The following ANKRD18A variants were observed in gnomAD, a reference collection of about 807,000 sequenced individuals.
ANKRD18A encodes the protein ankyrin repeat domain-containing protein 18A.
Under a neutral mutation model 110.6 loss-of-function variants are expected in ANKRD18A, and 72 were observed. The ratio of observed to expected loss-of-function variants is 0.65; its 90% confidence interval spans 0.54 to 0.79. The LOEUF (loss-of-function observed/expected upper bound fraction) is 0.79, where lower values mean the gene tolerates loss of function less well. Among genes scored for constraint, ANKRD18A ranks in the 30% least tolerant of loss-of-function variants. The pLI, the probability that ANKRD18A is intolerant of heterozygous loss-of-function variation, is 0.00. For missense variants in ANKRD18A, 934 were observed against 1,163.3 expected, an observed-to-expected ratio of 0.80 and a Z score of 2.87; for synonymous variants, 305 against 410.3, an observed-to-expected ratio of 0.74 and a Z score of 3.10.
At chr9:38,594,130 C>A (rs189329941) in intron 9 of ANKRD18A, among the ~76,000 whole-genome samples, 1 of 152,156 alleles carries the variant, frequency 6.6e-6, no homozygotes, top group African/African-American at 2.4e-5. Context: ...ACAGATTGAT[C>A]CAGCCCGCTA....
chr9:38,595,598 A>G lies in ANKRD18A; in HGVS notation c.1742T>C (p.Leu581Pro). The G allele has an allele frequency of 6.5e-7, 1 of 1,550,202 alleles. No homozygotes were observed. Residue 581 changes from leucine to proline, a missense_variant, in exon 9 of 16, where the codon CTT becomes CCT. Physicochemically the swap from Leu to Pro is moderately conservative, Grantham distance 98. This residue lies in a region of ANKRD18A where 630 missense variants were observed against 797.5 expected (regional missense o/e 0.79). Transcript: ENST00000399703. Reference protein sequence around the residue: ...EIVINIHRDCLENGKEDLLEE... With the variant: ...EIVINIHRDCPENGKEDLLEE... ...TAGAAGATCTTCCTTTCCATTCTCA[A>G]GACAGTCTCTGTGGATATTAATGAC...
chr9:38,595,901 C>G lies in ANKRD18A; in HGVS notation c.1439G>C (p.Arg480Pro). 5 of 1,551,168 alleles carry G rather than the reference C, an allele frequency of 3.2e-6. No homozygotes were observed. The highest frequency in any genetic ancestry group is 4.4e-6 in the Non-Finnish European group (5 of 1,146,662). ...ELLTEQVHKARVKFNTLKGKL... is the reference protein window; with the variant it reads ...ELLTEQVHKAPVKFNTLKGKL... ...ACCTTTTAAGGTATTGAACTTCACCCGAGCTTTATGGACCTGTTCAGTAAG... is the reference window on the plus strand; with the variant it reads ...ACCTTTTAAGGTATTGAACTTCACCGGAGCTTTATGGACCTGTTCAGTAAG... The change falls in exon 9 of 16, where the codon CGG becomes CCG. Residue 480 changes from arginine to proline, a missense_variant. Arg to Pro is a moderately radical substitution (Grantham distance 103). This residue lies in a region of ANKRD18A where 630 missense variants were observed against 797.5 expected (regional missense o/e 0.79). Transcript: ENST00000399703.
chr9:38,578,426 C>T (rs978307778), intron 12 of ANKRD18A, among the ~76,000 whole-genome samples: 7 of 152,120 alleles, frequency 4.6e-5, no homozygotes, highest in Admixed American at 2.6e-4. Context: ...TTTGTTCCTC[C>T]TTAAATGGCA....
intron 8 of ANKRD18A, among the ~76,000 whole-genome samples, chr9:38,600,343 C>CT (rs1474664868): frequency 3.3e-5 from 5 of 151,970 alleles, no homozygotes; most frequent in African/African-American, 1.2e-4. Flanking sequence ...AAAGAGTAGG[C>CT]AAATGCTAAA....
At chr9:38,584,553 A>G (rs1367349133) in intron 12 of ANKRD18A, among the ~76,000 whole-genome samples, 1 of 152,170 alleles carries the variant, frequency 6.6e-6, no homozygotes, top group East Asian at 1.9e-4. Context: ...ATGGTGTGTT[A>G]ATTACTTCTC....
At chr9:38,604,888 A>T (rs1481323897) in intron 6 of ANKRD18A, 2 of 158,396 alleles carry the variant, frequency 1.3e-5, no homozygotes, top group Non-Finnish European at 2.9e-5. Context: ...CTTGTGTTTT[A>T]AAACTTTCAT....
chr9:38,589,446 C>A (rs1824536980), intron 10 of ANKRD18A, among the ~76,000 whole-genome samples: 1 of 152,354 alleles, frequency 6.6e-6, no homozygotes, highest in Non-Finnish European at 1.5e-5. Context: ...AGTTATGAAC[C>A]TGTCACAATT....
At chr9:38,615,199 C>T (rs934872930) in intron 3 of ANKRD18A, among the ~76,000 whole-genome samples, 2 of 152,120 alleles carry the variant, frequency 1.3e-5, no homozygotes, top group Non-Finnish European at 2.9e-5. Flanking sequence ...AAAGATACAT[C>T]CATTTTGTTA....
At position 38,595,626 on chromosome 9, in the gene ANKRD18A, T is replaced by A. The variant is rs1405167360; in HGVS notation, c.1714A>T (p.Ile572Leu). ...CAGTCTCTGTGGATATTAATGACTA[T>A]CTCTTTATTATCGCCTTCCTTACGA... ...DARKEGDNKE[I>L]VINIHRDCLE... Residue 572 changes from isoleucine to leucine, a missense_variant, in exon 9 of 16, where the codon ATA (isoleucine) becomes TTA (leucine). Ile to Leu is a conservative substitution (Grantham distance 5). This residue lies in a region of ANKRD18A where 630 missense variants were observed against 797.5 expected (regional missense o/e 0.79). Coordinates refer to ENST00000399703, the MANE Select transcript of ANKRD18A (RefSeq NM_147195.4). 5.8e-6 allele frequency: 9 copies of A among 1,551,136 alleles called. No individual in the cohort carries two copies. In the Admixed American group the frequency reaches 1.4e-4, roughly 24 times the overall value.
intron 11 of ANKRD18A, among the ~76,000 whole-genome samples, chr9:38,586,561 T>TTG (rs201685432): frequency 0.01 from 1,582 of 152,190 alleles, 23 homozygotes; most frequent in Middle Eastern, 0.028. Context: ...TTGGTTTTTT[T>TTG]TTTGTTTGTT....
At chr9:38,619,748 C>G (rs1462817676) in intron 1 of ANKRD18A, among the ~76,000 whole-genome samples, 1 of 152,190 alleles carries the variant, frequency 6.6e-6, no homozygotes, top group East Asian at 1.9e-4. Context: ...AAAACCGACA[C>G]AGGGTTTTAT....
At chr9:38,585,392 A>T (rs1226186286) in intron 12 of ANKRD18A, among the ~76,000 whole-genome samples, 2 of 152,070 alleles carry the variant, frequency 1.3e-5, no homozygotes, top group African/African-American at 2.4e-5. Context: ...TTGATGTCCC[A>T]CTTTTAGGCT....
intron 12 of ANKRD18A, among the ~76,000 whole-genome samples, chr9:38,581,218 G>A (rs1824148130): frequency 6.6e-6 from 1 of 152,222 alleles, no homozygotes. Context: ...CTCCTTTAAA[G>A]TAGGATCTAA....
In ANKRD18A at chr9:38,596,024, C is replaced by T; in HGVS notation, c.1316G>A (p.Arg439Lys). Residue 439 changes from arginine (R) to lysine (K), a missense_variant, in exon 9 of 16, where the codon AGA (arginine) becomes AAA (lysine). Coordinates refer to ENST00000399703, the MANE Select transcript of ANKRD18A (RefSeq NM_147195.4). ...AINEYNEIVE[R>K]KDLELVLWRA... ...CCATAAAACTAGTTCTAGGTCTTTT[C>T]TTTCCACAATTTCATTGTACTCATT... is the stretch of plus-strand genomic sequence containing the variant. 4.5e-6 allele frequency: 7 copies of T among 1,549,992 alleles called. No homozygotes were observed. The highest frequency in any genetic ancestry group is 6.1e-6 in the Non-Finnish European group (7 of 1,146,328).
chr9:38,618,574 T>C (rs1429720591), intron 1 of ANKRD18A, among the ~76,000 whole-genome samples: 1 of 152,216 alleles, frequency 6.6e-6, no homozygotes, highest in Non-Finnish European at 1.5e-5. Context: ...ATTTTTAAAA[T>C]GTGGTAATTA....
chr9:38,607,059 CTT>C (rs917732311), intron 6 of ANKRD18A, among the ~76,000 whole-genome samples: 4 of 151,750 alleles, frequency 2.6e-5, no homozygotes, highest in Admixed American at 6.6e-5. Flanking sequence ...TGTAATCTCA[CTT>C]TTTGTTTTCT....
chr9:38,620,407 C>CCCGCGATCCACCCCCAAAT lies in ANKRD18A; in HGVS notation c.-141_-123dup. 9.6e-7 allele frequency: 1 copy of CCCGCGATCCACCCCCAAAT among 1,043,132 alleles called. No homozygotes were observed. Among genetic ancestry groups the CCCGCGATCCACCCCCAAAT allele is most frequent in the Non-Finnish European group, 1.3e-6 (1 of 756,438 alleles). The allele number at this position is 1,043,132 out of a possible 1,614,324, so 64.6% of individuals were successfully genotyped here. ...CCGCAACCCGCGATCCCCCCCGCAA[C>CCCGCGATCCACCCCCAAAT]CCGCGATCCACCCCCAAATCCAAGA... On this transcript the variant is annotated 5_prime_UTR_variant, in exon 1 of 16. Coordinates refer to ENST00000399703, the MANE Select transcript of ANKRD18A (RefSeq NM_147195.4).
At chr9:38,612,643 A>G (rs1313558933) in intron 3 of ANKRD18A, among the ~76,000 whole-genome samples, 1 of 150,274 alleles carries the variant, frequency 6.7e-6, no homozygotes, top group Non-Finnish European at 1.5e-5. Flanking sequence ...TCAGCCTCCC[A>G]AGTAGCTGGA....
chr9:38,614,219 G>GTTTTTTTTTT (rs58955752), intron 3 of ANKRD18A, among the ~76,000 whole-genome samples: 144 of 68,768 alleles, frequency 2.1e-3, no homozygotes, highest in Admixed American at 2.7e-3. Context: ...GAACACTGAG[G>GTTTTTTTTTT]TTTTTTTTTT....
Sources: gnomAD v4.1 joint callset for allele counts (sites outside exome capture counted in the v4.1 genomes callset) on GRCh38, gnomAD v4.1.1 for gene constraint, gnomAD v4.1.1 regional missense constraint, MANE v1.5 for transcripts, NCBI Gene and HGNC (gene_info 2026-07-23, HGNC 2026-07-21) for gene names.